Variants in ANKRD6 observed in about 807,000 individuals in gnomAD.
ANKRD6 encodes the protein ankyrin repeat domain-containing protein 6.
ANKRD6 carries 56 observed loss-of-function variants against 82.3 expected under a neutral mutation model. That is an observed-to-expected ratio of 0.68 (90% CI 0.55 to 0.85). The LOEUF is 0.85. ANKRD6 is among the 40% of genes least tolerant of loss of function. The pLI is 0.00. For synonymous variants in ANKRD6, 347 were observed against 352.1 expected (o/e 0.99, Z 0.16); for missense variants, 852 against 907.6 (o/e 0.94, Z 0.79).
chr6:89,524,272 C>G (rs1472679537), intron 1 of ANKRD6, among the ~76,000 whole-genome samples: 2 of 151,970 alleles, frequency 1.3e-5, no homozygotes, highest in Admixed American at 1.3e-4. Context: ...TACACTGTAC[C>G]CAGTGTGTAG....
At chr6:89,511,998 C>T (rs1052845867) in intron 1 of ANKRD6, among the ~76,000 whole-genome samples, 8 of 151,824 alleles carry the variant, frequency 5.3e-5, no homozygotes, top group Non-Finnish European at 1.0e-4. Context: ...AGGCTGGTCT[C>T]GAACTCCTGG....
intron 1 of ANKRD6, among the ~76,000 whole-genome samples, chr6:89,514,292 C>T (rs1450894728): frequency 3.3e-5 from 5 of 152,104 alleles, no homozygotes; most frequent in Non-Finnish European, 7.3e-5. Flanking sequence ...GCAGGAGAAT[C>T]GCTTGAACCT....
intron 1 of ANKRD6, among the ~76,000 whole-genome samples, chr6:89,506,351 G>T (rs1453379984): frequency 1.3e-5 from 2 of 152,128 alleles, no homozygotes; most frequent in Admixed American, 1.3e-4. Flanking sequence ...TGGAGTTTCT[G>T]TCACCCAGGC....
At chr6:89,463,497 A>C (rs966361562) in intron 1 of ANKRD6, among the ~76,000 whole-genome samples, 14 of 152,316 alleles carry the variant, frequency 9.2e-5, no homozygotes, top group African/African-American at 3.4e-4. Context: ...AGGTTCATAC[A>C]ATACTTTTCA....
At chr6:89,470,841 T>C (rs1260248816) in intron 1 of ANKRD6, among the ~76,000 whole-genome samples, 1 of 152,186 alleles carries the variant, frequency 6.6e-6, no homozygotes, top group Non-Finnish European at 1.5e-5. Flanking sequence ...GTGCTGTTAA[T>C]GCCCAACTGC....
chr6:89,466,037 A>C (rs1774806683), intron 1 of ANKRD6, among the ~76,000 whole-genome samples: 1 of 152,184 alleles, frequency 6.6e-6, no homozygotes, highest in Non-Finnish European at 1.5e-5. Flanking sequence ...CAGTCTTTCT[A>C]CCCATAGGTA....
chr6:89,442,682 G>T (rs1443146969), intron 1 of ANKRD6, among the ~76,000 whole-genome samples: 1 of 151,366 alleles, frequency 6.6e-6, no homozygotes, highest in East Asian at 1.9e-4. Flanking sequence ...TCTGTGAGGT[G>T]TGTATTGGTT....
intron 1 of ANKRD6, among the ~76,000 whole-genome samples, chr6:89,469,395 G>A (rs1468486251): frequency 3.3e-5 from 5 of 152,140 alleles, no homozygotes; most frequent in Non-Finnish European, 7.3e-5. Flanking sequence ...CAGCTGCTGG[G>A]TTTTAATATG....
At chr6:89,621,292 A>G (rs1223421844) in intron 9 of ANKRD6, 1 of 152,560 alleles carries the variant, frequency 6.6e-6, no homozygotes, top group Non-Finnish European at 1.5e-5. Flanking sequence ...ACTGGGTTCA[A>G]ACTGAGATCT....
intron 1 of ANKRD6, among the ~76,000 whole-genome samples, chr6:89,469,077 C>T (rs1370378760): frequency 6.6e-6 from 1 of 152,096 alleles, no homozygotes; most frequent in African/African-American, 2.4e-5. Context: ...AAGTAAATTG[C>T]AGAGGGAAGA....
chr6:89,606,311 G>A (rs1468844114), intron 5 of ANKRD6, among the ~76,000 whole-genome samples: 24 of 152,178 alleles, frequency 1.6e-4, no homozygotes, highest in Admixed American at 1.4e-3. Flanking sequence ...TGCACCAACA[G>A]CGCCAAAACC....
At chr6:89,449,702 C>T (rs2127953222) in intron 1 of ANKRD6, among the ~76,000 whole-genome samples, 1 of 152,276 alleles carries the variant, frequency 6.6e-6, no homozygotes, top group Middle Eastern at 3.4e-3. Context: ...TGTTTTCAAG[C>T]ACCTTATGTG....
intron 1 of ANKRD6, among the ~76,000 whole-genome samples, chr6:89,551,328 C>G (rs1282258508): frequency 1.3e-5 from 2 of 152,330 alleles, no homozygotes; most frequent in East Asian, 3.9e-4. Context: ...GCTCTTCCTG[C>G]CTTTTTTTCT....
chr6:89,477,258 T>A (rs1023555782), intron 1 of ANKRD6, among the ~76,000 whole-genome samples: 2 of 152,094 alleles, frequency 1.3e-5, no homozygotes, highest in Admixed American at 1.3e-4. Context: ...AAAGGTTTTT[T>A]TTCTTCTGGT....
intron 1 of ANKRD6, among the ~76,000 whole-genome samples, chr6:89,566,492 C>T (rs1026780593): frequency 6.6e-6 from 1 of 152,176 alleles, no homozygotes; most frequent in Non-Finnish European, 1.5e-5. Flanking sequence ...CAGTTCCCTG[C>T]CAAAGGCGGT....
At chr6:89,456,291 G>A (rs754062897) in intron 1 of ANKRD6, among the ~76,000 whole-genome samples, 8 of 152,070 alleles carry the variant, frequency 5.3e-5, no homozygotes, top group East Asian at 1.9e-4. Flanking sequence ...GACAAATATC[G>A]AACTCTGTCA....
intron 1 of ANKRD6, among the ~76,000 whole-genome samples, chr6:89,558,141 G>C (rs560795444): frequency 6.6e-6 from 1 of 152,184 alleles, no homozygotes; most frequent in African/African-American, 2.4e-5. Flanking sequence ...GAGGACTGCT[G>C]TGTTAGAAGA....
At chr6:89,546,459 TGA>T (rs1418820831) in intron 1 of ANKRD6, among the ~76,000 whole-genome samples, 34 of 67,416 alleles carry the variant, frequency 5.0e-4, no homozygotes, top group Non-Finnish European at 8.9e-4. Context: ...GATGATTGAT[TGA>T]TCGATTGATC....
At chr6:89,473,277 G>A (rs1048784683) in intron 1 of ANKRD6, among the ~76,000 whole-genome samples, 1 of 152,024 alleles carries the variant, frequency 6.6e-6, no homozygotes, top group African/African-American at 2.4e-5. Context: ...CAGGCATGGC[G>A]GCGTATGCCC....
Sources: allele counts gnomAD v4.1 joint callset (sites outside exome capture counted in the v4.1 genomes callset), GRCh38; gene constraint gnomAD v4.1.1; transcripts MANE v1.5; gene names NCBI Gene and HGNC (gene_info 2026-07-23, HGNC 2026-07-21).